DPYD: variants seen among roughly 807,000 people sequenced by gnomAD.
DPYD encodes the protein dihydropyrimidine dehydrogenase [NADP(+)].
A neutral mutation model predicts 116.2 loss-of-function variants in DPYD; 109 were observed. That is an observed-to-expected ratio of 0.94 (90% confidence interval 0.80 to 1.10). DPYD has a LOEUF of 1.10. DPYD is among the 50% of genes least tolerant of loss of function. The pLI, the probability that DPYD is intolerant of heterozygous loss-of-function variation, is 0.00. For missense variants in DPYD, 1,302 were observed against 1,254.5 expected (o/e 1.04, Z -0.57); for synonymous variants, 440 against 432.0 (o/e 1.02, Z -0.23).
intron 13 of DPYD, among the ~76,000 whole-genome samples, chr1:97,494,627 C>T (rs1679159588): frequency 6.6e-6 from 1 of 151,978 alleles, no homozygotes; most frequent in Non-Finnish European, 1.5e-5. Flanking sequence ...CCTGTAGTCC[C>T]AGCTGCTCAG....
chr1:97,888,590 C>T (rs1672618638), intron 1 of DPYD, among the ~76,000 whole-genome samples: 1 of 150,350 alleles, frequency 6.7e-6, no homozygotes, highest in African/African-American at 2.4e-5. Flanking sequence ...AGTAAAAGGG[C>T]TGAAAGTCAA....
At chr1:97,692,425 TA>T (rs915143749) in intron 6 of DPYD, among the ~76,000 whole-genome samples, 51 of 149,334 alleles carry the variant, frequency 3.4e-4, no homozygotes, top group East Asian at 1.2e-3. Flanking sequence ...TGCCTGCATT[TA>T]AAAAAAAAAT....
chr1:97,687,408 C>T (rs1660794569), intron 7 of DPYD, among the ~76,000 whole-genome samples: 2 of 151,954 alleles, frequency 1.3e-5, no homozygotes, highest in South Asian at 4.2e-4. Flanking sequence ...TGGAGAAATG[C>T]AAATCAAACC....
At chr1:97,434,915 G>C (rs1675388596) in intron 14 of DPYD, among the ~76,000 whole-genome samples, 1 of 151,880 alleles carries the variant, frequency 6.6e-6, no homozygotes, top group Non-Finnish European at 1.5e-5. Flanking sequence ...CATGCAATCA[G>C]GATGATATTC....
intron 20 of DPYD, among the ~76,000 whole-genome samples, chr1:97,190,233 T>G (rs1055109466): frequency 1.3e-5 from 2 of 152,148 alleles, no homozygotes; most frequent in Non-Finnish European, 2.9e-5. Context: ...ATTTCACTTC[T>G]TTTTCAGCTC....
intron 13 of DPYD, among the ~76,000 whole-genome samples, chr1:97,509,804 C>A (rs1056601442): frequency 1.3e-5 from 2 of 151,946 alleles, no homozygotes; most frequent in Non-Finnish European, 2.9e-5. Context: ...CTAGTAGATT[C>A]TCTCAGGGCT....
intron 3 of DPYD, 68 bp from the exon 4 acceptor site, chr1:97,740,547 C>T (rs558472562): frequency 6.1e-6 from 8 of 1,320,520 alleles, no homozygotes; most frequent in Non-Finnish European, 8.7e-6. Context: ...CTACCTTATA[C>T]TCATTCAGAG....
At chr1:97,106,635 A>C (rs1273094458) in intron 20 of DPYD, among the ~76,000 whole-genome samples, 1 of 152,076 alleles carries the variant, frequency 6.6e-6, no homozygotes, top group Non-Finnish European at 1.5e-5. Flanking sequence ...CTCATCTCCC[A>C]GTCCTGAGGC....
At chr1:97,281,688 T>C (rs1665333832) in intron 18 of DPYD, among the ~76,000 whole-genome samples, 8 of 152,022 alleles carry the variant, frequency 5.3e-5, no homozygotes. Context: ...TAAGTAAATA[T>C]ACTAAGGGTG....
chr1:97,609,682 T>C (rs1224095549), intron 8 of DPYD, among the ~76,000 whole-genome samples: 1 of 151,956 alleles, frequency 6.6e-6, no homozygotes. Flanking sequence ...GTTTCTTCCA[T>C]CATTTCATAA....
At position 97,573,506 on chromosome 1, in the gene DPYD, G is replaced by T. The variant is rs144615509; in HGVS notation, c.1339+254C>A. On this transcript the variant is annotated intron_variant, in intron 11 of 22. Coordinates refer to ENST00000370192, the MANE Select transcript of DPYD (RefSeq NM_000110.4). ...AAGAAACAAGGCAAATATCATTATA[G>T]AGTAGAATATGTGTTTTGGTTATAA... is the stretch of plus-strand genomic sequence containing the variant. Among the ~76,000 whole-genome samples the T allele has an allele frequency of 4.1e-3, 625 of 152,186 alleles. 7 individuals are homozygous for T. Among genetic ancestry groups the T allele is most frequent in the African/African-American group, 0.014 (593 of 41,540 alleles).
chr1:97,625,886 C>T (rs546221212), intron 8 of DPYD, among the ~76,000 whole-genome samples: 35 of 152,026 alleles, frequency 2.3e-4, no homozygotes, highest in Non-Finnish European at 4.1e-4. Context: ...TGAAGCTTTG[C>T]AACCTTATAC....
chr1:97,082,790 G>A (rs909315842), intron 21 of DPYD, among the ~76,000 whole-genome samples: 1 of 152,106 alleles, frequency 6.6e-6, no homozygotes, highest in Admixed American at 6.6e-5. Flanking sequence ...AGTTGTTATG[G>A]CTAACTTTTT....
At chr1:97,803,653 CATT>C (rs1667944280) in intron 3 of DPYD, among the ~76,000 whole-genome samples, 1 of 151,714 alleles carries the variant, frequency 6.6e-6, no homozygotes, top group African/African-American at 2.4e-5. Context: ...GCATATATTT[CATT>C]ATTAAAAGAC....
intron 20 of DPYD, among the ~76,000 whole-genome samples, chr1:97,144,065 T>A (rs1177780039): frequency 6.6e-6 from 1 of 152,128 alleles, no homozygotes; most frequent in Admixed American, 6.5e-5. Flanking sequence ...AAAGGATAAG[T>A]CTCAGGAAAA....
At chr1:97,402,290 T>C (rs1673418093) in intron 14 of DPYD, among the ~76,000 whole-genome samples, 1 of 152,132 alleles carries the variant, frequency 6.6e-6, no homozygotes, top group East Asian at 1.9e-4. Flanking sequence ...TCTTGTTTGA[T>C]TTTGTCCATC....
At chr1:97,519,256 G>C (rs1289139726) in intron 12 of DPYD, among the ~76,000 whole-genome samples, 2 of 152,122 alleles carry the variant, frequency 1.3e-5, no homozygotes, top group Non-Finnish European at 1.5e-5. Flanking sequence ...TCACAATCAT[G>C]GTGGGAGGCA....
chr1:97,524,082 AG>A (rs533802224), intron 12 of DPYD, among the ~76,000 whole-genome samples: 1 of 152,318 alleles, frequency 6.6e-6, no homozygotes, highest in African/African-American at 2.4e-5. Context: ...ATGAAGGCCA[AG>A]GGTTGAAGTT....
At chr1:97,277,220 G>A (rs1375329390) in intron 18 of DPYD, among the ~76,000 whole-genome samples, 1 of 152,026 alleles carries the variant, frequency 6.6e-6, no homozygotes, top group Non-Finnish European at 1.5e-5. Flanking sequence ...AAGGGAGGAA[G>A]GAAAGGAGGT....
Sources: gnomAD v4.1 joint callset for allele counts (sites outside exome capture counted in the v4.1 genomes callset) on GRCh38, gnomAD v4.1.1 for gene constraint, MANE v1.5 for transcripts, NCBI Gene and HGNC (gene_info 2026-07-23, HGNC 2026-07-21) for gene names.